Variants in DCHS2 observed in about 807,000 individuals in gnomAD.
DCHS2 encodes the protein protocadherin-23.
Under a neutral mutation model 182.4 loss-of-function variants are expected in DCHS2, and 142 were observed. The ratio of observed to expected loss-of-function variants is 0.78; its 90% CI spans 0.68 to 0.89. The LOEUF (loss-of-function observed/expected upper bound fraction) is 0.89. Ranked by LOEUF, DCHS2 falls within the 40% of genes least tolerant of loss-of-function variation. DCHS2 has a pLI of 0.00. For synonymous variants in DCHS2, 1,740 were observed against 1,663.3 expected, an observed-to-expected ratio of 1.05 and a Z score of -1.12; for missense variants, 4,319 against 4,198.6, an observed-to-expected ratio of 1.03 and a Z score of -0.79.
intron 14 of DCHS2, among the ~76,000 whole-genome samples, chr4:154,269,698 G>A (rs368216258): frequency 2.0e-5 from 3 of 152,016 alleles, no homozygotes; most frequent in African/African-American, 7.2e-5. Flanking sequence ...TGTCTAGTTT[G>A]GAAATATTAA....
intron 2 of DCHS2, among the ~76,000 whole-genome samples, chr4:154,370,271 A>G (rs1730582175): frequency 6.6e-6 from 1 of 152,198 alleles, no homozygotes; most frequent in Non-Finnish European, 1.5e-5. Context: ...AAAGAATCCC[A>G]GGTTATGGCA....
chr4:154,453,473 G>A (rs529846574), intron 1 of DCHS2, among the ~76,000 whole-genome samples: 4 of 152,122 alleles, frequency 2.6e-5, no homozygotes, highest in Non-Finnish European at 5.9e-5. Flanking sequence ...GCCTCCAGCT[G>A]CCATGCCTTC....
chr4:154,346,359 A>C (rs1474226074), intron 3 of DCHS2, among the ~76,000 whole-genome samples: 1 of 152,228 alleles, frequency 6.6e-6, no homozygotes, highest in Non-Finnish European at 1.5e-5. Flanking sequence ...AGTCTACTTA[A>C]GTGGCAGTTA....
chr4:154,297,075 A>G (rs1734958938), intron 13 of DCHS2, among the ~76,000 whole-genome samples: 2 of 152,316 alleles, frequency 1.3e-5, no homozygotes, highest in East Asian at 3.9e-4. Context: ...TAATGAGTTC[A>G]TGTTCCAAGC....
chr4:154,366,363 T>C lies in DCHS2; in HGVS notation c.2323A>G (p.Thr775Ala). The C allele has an allele frequency of 6.2e-7, 1 of 1,613,834 alleles. No individual in the cohort carries two copies. Among genetic ancestry groups the C allele is most frequent in the Non-Finnish European group, 8.5e-7 (1 of 1,179,932 alleles). ...TCATCACTGATGCTCGTCACATAGG[T>C]TGATGGGTTAAACACAGGATGATTA... ...NDNHPVFNPS[T>A]YVTSISDETQ... is the part of the protein sequence containing the mutation. Residue 775 changes from threonine (T) to alanine (A), a missense_variant, in exon 3 of 20, where the codon ACC becomes GCC. Transcript: ENST00000357232.
intron 3 of DCHS2, among the ~76,000 whole-genome samples, chr4:154,346,643 G>A (rs780943324): frequency 1.3e-5 from 2 of 151,856 alleles, no homozygotes; most frequent in Admixed American, 6.5e-5. Flanking sequence ...GCTTAAAGTC[G>A]AATTCCTGGA....
At chr4:154,391,378 A>G (rs910717836) in intron 1 of DCHS2, 2 of 1,502,560 alleles carry the variant, frequency 1.3e-6, no homozygotes, top group Non-Finnish European at 8.9e-7. Context: ...ACAGGTTCAC[A>G]TATGGAAATA....
In DCHS2 at chr4:154,336,827, C is replaced by T. The variant is rs541678989; in HGVS notation, c.2477-1723G>A. Among the ~76,000 whole-genome samples the T allele has an allele frequency of 1.2e-4, 18 of 152,134 alleles. No individual in the cohort carries two copies. In the South Asian group the frequency reaches 3.5e-3, roughly 30 times the overall value. On this transcript the variant is annotated intron_variant, in intron 3 of 19. Transcript: ENST00000357232. ...TTATAACCATTTTCTTTAATGATTCCTTATCTAATATGATTTTAAGTCATT... is the reference window on the plus strand; with the variant it reads ...TTATAACCATTTTCTTTAATGATTCTTTATCTAATATGATTTTAAGTCATT...
intron 1 of DCHS2, among the ~76,000 whole-genome samples, chr4:154,410,847 CAA>C (rs1262134591): frequency 6.6e-6 from 1 of 152,196 alleles, no homozygotes; most frequent in South Asian, 2.1e-4. Flanking sequence ...AGTCAAAAAT[CAA>C]AGACAAAGAA....
chr4:154,386,511 G>A (rs1579034807), intron 1 of DCHS2, among the ~76,000 whole-genome samples: 1 of 151,520 alleles, frequency 6.6e-6, no homozygotes. Context: ...ACCCTGCTTT[G>A]CTTTCTTCAG....
chr4:154,241,515 A>G (rs1374650901), intron 17 of DCHS2, among the ~76,000 whole-genome samples: 2 of 152,166 alleles, frequency 1.3e-5, no homozygotes, highest in Admixed American at 1.3e-4. Context: ...CAGCCCGTGA[A>G]AGGGACTTTG....
Position 154,265,838 on chromosome 4 carries a change from C to A in DCHS2, c.6577+4062G>T, listed in dbSNP as rs372322514. ...TTTCAAAAATTCGAAAATTCTAGTA[C>A]AGTAGTTCCCCCTTCCCTGTGGGGG... On this transcript the variant is annotated intron_variant, in intron 14 of 19. Transcript: ENST00000357232. Among the ~76,000 whole-genome samples, 4 of 152,200 alleles carry A rather than the reference C, an allele frequency of 2.6e-5. No homozygotes were observed. The East Asian group carries it at 7.7e-4, about 29-fold the overall frequency.
chr4:154,364,409 T>A (rs962302698), intron 3 of DCHS2, among the ~76,000 whole-genome samples: 1 of 152,260 alleles, frequency 6.6e-6, no homozygotes, highest in African/African-American at 2.4e-5. Flanking sequence ...TATATATTTT[T>A]GGCAATGCTA....
At position 154,366,318 on chromosome 4, in the gene DCHS2, T is replaced by A. The variant is rs199605715; in HGVS notation, c.2368A>T (p.Ile790Phe). 6.2e-7 allele frequency: 1 copy of A among 1,613,872 alleles called. No homozygotes were observed. Residue 790 changes from isoleucine (I) to phenylalanine (F), a missense_variant, in exon 3 of 20, where the codon ATC (isoleucine) becomes TTC (phenylalanine). Coordinates refer to ENST00000357232, the MANE Select transcript of DCHS2 (RefSeq NM_001358235.2). The stretch of plus-strand genomic sequence containing the variant: ...TGGTCAGTGGCAAGAACATTGATGA[T>A]CTCGGTGCCTGGCTGGGTCTCATCA... ...ISDETQPGTE[I>F]INVLATDQDS... is the part of the protein sequence containing the mutation.
Position 154,235,554 on chromosome 4 carries a change from G to T in DCHS2, c.9098C>A (p.Thr3033Asn), listed in dbSNP as rs144095333. Residue 3033 changes from threonine to asparagine, a missense_variant, in exon 20 of 20, where the codon ACC (threonine) becomes AAC (asparagine). Thr to Asn is a moderately conservative substitution (Grantham distance 65). Transcript: ENST00000357232. ...TCTCAAGTCCGCATCTAAAGATGAG[G>T]TTTTCTTCTCCTCATAATTGTTTAT... is the stretch of plus-strand genomic sequence containing the variant. Reference protein sequence around the residue: ...DTINNYEEKKTSSLDADLRVT... With the variant: ...DTINNYEEKKNSSLDADLRVT... The T allele has an allele frequency of 2.5e-6, 4 of 1,614,014 alleles. No homozygotes were observed. In the South Asian group the frequency reaches 4.4e-5, roughly 18 times the overall value.
In DCHS2 at chr4:154,242,752, T is replaced by G. The variant is rs1354606568; in HGVS notation, c.6962A>C (p.Asp2321Ala). The G allele has an allele frequency of 6.2e-7, 1 of 1,611,612 alleles. No homozygotes were observed. The highest frequency in any genetic ancestry group is 2.2e-5 in the East Asian group (1 of 44,706). Reference sequence around the variant, plus strand: ...ATTAGAAAGCCTGGGCATCCCTTTATCTGTGGCTTGGACAATCAAGCTGGT... The same window carrying G: ...ATTAGAAAGCCTGGGCATCCCTTTAGCTGTGGCTTGGACAATCAAGCTGGT... ...SSYSLIVQAT[D>A]KGMPRLSNTT... is the part of the protein sequence containing the mutation. The change falls in exon 17 of 20, where the codon GAT becomes GCT. Residue 2321 changes from aspartate to alanine, a missense_variant. Physicochemically the swap from Asp to Ala is moderately radical, Grantham distance 126 (BLOSUM62 -2). Transcript: ENST00000357232.
intron 1 of DCHS2, among the ~76,000 whole-genome samples, chr4:154,447,657 G>A (rs1422004958): frequency 6.6e-6 from 1 of 152,122 alleles, no homozygotes; most frequent in African/African-American, 2.4e-5. Flanking sequence ...TATACCATGA[G>A]GTATTCTCAA....
chr4:154,244,896 T>A (rs1188959589), intron 16 of DCHS2, among the ~76,000 whole-genome samples: 2 of 152,126 alleles, frequency 1.3e-5, no homozygotes, highest in Non-Finnish European at 2.9e-5. Context: ...CATACTCCTT[T>A]CTCCCCTGCT....
In DCHS2 at chr4:154,332,870, G is replaced by A. The variant is rs1272017690; in HGVS notation, c.3338C>T (p.Pro1113Leu). The change falls in exon 5 of 20, where the codon CCC (proline) becomes CTC (leucine). Residue 1113 changes from proline (P) to leucine (L), a missense_variant. Pro to Leu is a moderately conservative substitution (Grantham distance 98, BLOSUM62 -3). Coordinates refer to ENST00000357232, the MANE Select transcript of DCHS2 (RefSeq NM_001358235.2). The part of the protein sequence containing the change: ...MLQTQAHPLG[P>L]QRAASPLRYS... ...CCTAAGAGGCGAGGCTGCACGCTGG[G>A]GGCCAAGTGGGTGCGCCTGTGTTTG... The A allele has an allele frequency of 6.2e-7, 1 of 1,614,070 alleles. No homozygotes were observed. Among genetic ancestry groups the A allele is most frequent in the Non-Finnish European group, 8.5e-7 (1 of 1,180,046 alleles).
Sources: gnomAD v4.1 joint callset for allele counts (sites outside exome capture counted in the v4.1 genomes callset) on GRCh38, gnomAD v4.1.1 for gene constraint, MANE v1.5 for transcripts, NCBI Gene and HGNC (gene_info 2026-07-23, HGNC 2026-07-21) for gene names.